Variants in GNG5 observed in about 807,000 individuals in gnomAD.
GNG5 encodes guanine nucleotide-binding protein G(I)/G(S)/G(O) subunit gamma-5.
A neutral mutation model predicts 6.2 loss-of-function variants in GNG5; 2 were observed. The ratio of observed to expected loss-of-function variants is 0.32; its 90% CI spans 0.13 to 1.01. The LOEUF (loss-of-function observed/expected upper bound fraction) is 1.01, where lower values mean the gene tolerates loss of function less well. Among genes scored for constraint, GNG5 ranks in the 50% least tolerant of loss-of-function variants. The pLI is 0.48. For synonymous variants in GNG5, 24 were observed against 33.0 expected (o/e 0.73, Z 0.93); for missense variants, 57 against 80.2 (o/e 0.71, Z 1.10).
intron 2 of GNG5, among the ~76,000 whole-genome samples, chr1:84,504,318 C>CTTAA (rs1263210749): frequency 6.6e-6 from 1 of 152,128 alleles, no homozygotes; most frequent in Non-Finnish European, 1.5e-5. Context: ...TTGCTACAGC[C>CTTAA]TTAACATCAG....
chr1:84,504,976 C>T (rs1558554325), intron 2 of GNG5, among the ~76,000 whole-genome samples: 1 of 152,204 alleles, frequency 6.6e-6, no homozygotes, highest in Non-Finnish European at 1.5e-5. Flanking sequence ...CTTAGAGACC[C>T]TCTCAGTTCA....
At chr1:84,500,729 T>G (rs1172298349) in intron 3 of GNG5, among the ~76,000 whole-genome samples, 1 of 152,166 alleles carries the variant, frequency 6.6e-6, no homozygotes, top group Non-Finnish European at 1.5e-5. Context: ...CTTAAACATC[T>G]TAACCAATCA....
intron 2 of GNG5, among the ~76,000 whole-genome samples, chr1:84,502,222 C>T (rs530493078): frequency 2.0e-5 from 3 of 150,422 alleles, no homozygotes; most frequent in African/African-American, 7.4e-5. Context: ...CTGCAACCTC[C>T]GCCTCGGTTC....
chr1:84,502,754 T>A (rs1261105477), intron 2 of GNG5, among the ~76,000 whole-genome samples: 2 of 152,212 alleles, frequency 1.3e-5, no homozygotes, highest in South Asian at 2.1e-4. Context: ...AACTAGCACA[T>A]AATTTAGAAA....
chr1:84,506,133 G>A lies in GNG5; in HGVS notation c.-42C>T, dbSNP rs902693893. 1.3e-6 allele frequency: 2 copies of A among 1,525,648 alleles called. No individual in the cohort carries two copies. Among genetic ancestry groups the A allele is most frequent in the East Asian group, 2.6e-5 (1 of 38,312 alleles). The allele number at this position is 1,525,648 out of a possible 1,614,324, so 94.5% of individuals were successfully genotyped here. A position where few individuals can be genotyped will look rare whatever the true frequency, so the allele number is the denominator to read the frequency against. On this transcript the variant is annotated 5_prime_UTR_variant, in exon 2 of 4. It adds an upstream start codon to the 5' untranslated region. Coordinates refer to ENST00000370645, the MANE Select transcript of GNG5 (RefSeq NM_005274.3). ...GGGCCGATTCGTGGGTCGGTGGGTC[G>A]TGGGCCGTGGGTCGGCGGGGCCAGA...
At chr1:84,505,847 C>T (rs1278471765) in intron 2 of GNG5, among the ~76,000 whole-genome samples, 164 bp downstream of exon 2, 1 of 152,228 alleles carries the variant, frequency 6.6e-6, no homozygotes, top group East Asian at 1.9e-4. Flanking sequence ...CCACGCGGCG[C>T]CTGCTCTAAA....
chr1:84,502,205 C>T (rs1403661383), intron 2 of GNG5, among the ~76,000 whole-genome samples: 2 of 141,558 alleles, frequency 1.4e-5, no homozygotes, highest in African/African-American at 5.4e-5. Flanking sequence ...GGTGCGATCT[C>T]GGCTCACTGC....
intron 3 of GNG5, among the ~76,000 whole-genome samples, chr1:84,501,068 C>T (rs1682047532): frequency 6.6e-6 from 1 of 152,146 alleles, no homozygotes. Flanking sequence ...GATTAACATA[C>T]ATTTTGTACA....
chr1:84,499,961 G>T lies in GNG5; in HGVS notation c.*20-1413C>A, dbSNP rs937103105. ...AATACAAAAAGTAGCCGGGCGTGGT[G>T]GTGTGCACCTGTAATCCCAGCTACT... On this transcript the variant is annotated intron_variant, in intron 3 of 3. Coordinates refer to ENST00000370645, the MANE Select transcript of GNG5 (RefSeq NM_005274.3). 4.6e-5 allele frequency among the ~76,000 whole-genome samples: 7 copies of T among 152,294 alleles called. No individual in the cohort carries two copies. In the South Asian group the frequency reaches 6.2e-4, roughly 14 times the overall value.
At chr1:84,504,917 G>A (rs1423237623) in intron 2 of GNG5, among the ~76,000 whole-genome samples, 1 of 151,974 alleles carries the variant, frequency 6.6e-6, no homozygotes, top group Admixed American at 6.6e-5. Flanking sequence ...CCCTTCTGAG[G>A]TGACCACAAC....
chr1:84,504,953 C>A (rs1396053118), intron 2 of GNG5, among the ~76,000 whole-genome samples: 1 of 152,202 alleles, frequency 6.6e-6, no homozygotes, highest in Non-Finnish European at 1.5e-5. Context: ...TCTGACACTT[C>A]TAGTTAAGAA....
Position 84,506,291 on chromosome 1 carries a change from C to A in GNG5, c.-200G>T, listed in dbSNP as rs867922589. 4.8e-6 allele frequency: 2 copies of A among 416,032 alleles called. No individual in the cohort carries two copies. The highest frequency in any genetic ancestry group is 8.5e-6 in the Non-Finnish European group (2 of 234,610). The allele number at this position is 416,032 out of a possible 1,614,324, so 25.8% of individuals were successfully genotyped here. ...TCTGTTCCAGCTCCACACCCGGCCCCGAGCGCGAGCCTGGAGGAGGGGGAG... is the reference window on the plus strand; with the variant it reads ...TCTGTTCCAGCTCCACACCCGGCCCAGAGCGCGAGCCTGGAGGAGGGGGAG... On this transcript the variant is annotated 5_prime_UTR_variant, in exon 2 of 4. Transcript: ENST00000370645.
Position 84,498,435 on chromosome 1 carries a change from G to C in GNG5, c.*133C>G, listed in dbSNP as rs545565613. On this transcript the variant is annotated 3_prime_UTR_variant, in exon 4 of 4. Transcript: ENST00000370645. ...AGAGAGGTAGATGTTAAGGACTGAC[G>C]AAAGTAGAAGTTTGTATATTATGGC... 1.3e-5 allele frequency: 2 copies of C among 152,666 alleles called. No individual in the cohort carries two copies. Among genetic ancestry groups the C allele is most frequent in the African/African-American group, 4.8e-5 (2 of 41,394 alleles). 9.5% of individuals were successfully genotyped at this position (152,666 alleles called of 1,614,324 possible).
Position 84,505,067 on chromosome 1 carries a change from G to A in GNG5, c.81+944C>T, listed in dbSNP as rs59742045. Among the ~76,000 whole-genome samples, 852 of 152,254 alleles carry A rather than the reference G, an allele frequency of 5.6e-3. 11 individuals are homozygous for A. Among genetic ancestry groups the A allele is most frequent in the African/African-American group, 0.019 (787 of 41,546 alleles). ...CTTAGGAACTGGCTGCTTTTAACAG[G>A]GCACATGATTTACATTCTTGTTTCT... On this transcript the variant is annotated intron_variant, in intron 2 of 3. Transcript: ENST00000370645.
At chr1:84,499,749 ATTTTG>A (rs913490078) in intron 3 of GNG5, among the ~76,000 whole-genome samples, 1 of 152,112 alleles carries the variant, frequency 6.6e-6, no homozygotes, top group Admixed American at 6.5e-5. Flanking sequence ...GTGTTATTCT[ATTTTG>A]TTTTGTGTAA....
In GNG5 at chr1:84,506,125, G is replaced by GGTGGGTCGTGGGCC. The variant is rs1553215883; in HGVS notation, c.-48_-35dup. 7.7e-6 allele frequency: 12 copies of GGTGGGTCGTGGGCC among 1,557,796 alleles called. No homozygotes were observed. Among genetic ancestry groups the GGTGGGTCGTGGGCC allele is most frequent in the South Asian group, 1.2e-5 (1 of 86,092 alleles). ...CGACGGCCGGGCCGATTCGTGGGTCGGTGGGTCGTGGGCCGTGGGTCGGCG... is the reference window on the plus strand; with the variant it reads ...CGACGGCCGGGCCGATTCGTGGGTCGGTGGGTCGTGGGCCGTGGGTCGTGGGCCGTGGGTCGGCG... On this transcript the variant is annotated 5_prime_UTR_variant, in exon 2 of 4. Transcript: ENST00000370645.
chr1:84,506,367 G>A (rs934118457), intron 1 of GNG5, 66 bp from the exon 2 acceptor site: 1 of 329,568 alleles, frequency 3.0e-6, no homozygotes, highest in Non-Finnish European at 5.6e-6. Flanking sequence ...AGGCTAGCGC[G>A]ACCCGACTCT....
chr1:84,502,132 C>CTTTTTTTTTTTTTTTTTTT (rs140132840), intron 2 of GNG5, among the ~76,000 whole-genome samples, 162 bp from the exon 3 acceptor site: 1 of 102,086 alleles, frequency 9.8e-6, no homozygotes, highest in African/African-American at 4.3e-5. Context: ...ATAGTGAGCT[C>CTTTTTTTTTTTTTTTTTTT]TTTTTTTTTT....
chr1:84,502,044 A>G, intron 2 of GNG5, 74 bp from the exon 3 acceptor site: 1 of 1,119,216 alleles, frequency 8.9e-7, no homozygotes, highest in Non-Finnish European at 1.4e-6. Flanking sequence ...AATCTTTGGA[A>G]ATATTGTACT....
Sources: allele counts gnomAD v4.1 joint callset (sites outside exome capture counted in the v4.1 genomes callset), GRCh38; gene constraint gnomAD v4.1.1; transcripts MANE v1.5; gene names NCBI Gene and HGNC (gene_info 2026-07-23, HGNC 2026-07-21).